The following JAKMIP1 variants were observed in gnomAD, a reference collection of about 807,000 sequenced individuals.
The protein encoded by JAKMIP1 is janus kinase and microtubule interacting protein 1, also known as janus kinase and microtubule-interacting protein 1.
A neutral mutation model predicts 113.0 loss-of-function variants in JAKMIP1; 33 were observed. The ratio of observed to expected loss-of-function variants is 0.29; its 90% CI spans 0.22 to 0.39. JAKMIP1 has a LOEUF of 0.39. Ranked by LOEUF, JAKMIP1 falls within the 10% of genes least tolerant of loss-of-function variation. The pLI, the probability that JAKMIP1 is intolerant of heterozygous loss-of-function variation, is 1.00. For missense variants in JAKMIP1, 813 were observed against 1,080.5 expected (o/e 0.75, Z 3.47); for synonymous variants, 480 against 459.9 (o/e 1.04, Z -0.56).
intron 1 of JAKMIP1, among the ~76,000 whole-genome samples, chr4:6,130,299 T>C (rs1015468170): frequency 6.6e-6 from 1 of 152,238 alleles, no homozygotes; most frequent in Non-Finnish European, 1.5e-5. Flanking sequence ...CCCGTCTAAA[T>C]AAGGCAAGTT....
At chr4:6,096,273 T>C (rs1711752096) in intron 3 of JAKMIP1, among the ~76,000 whole-genome samples, 1 of 152,266 alleles carries the variant, frequency 6.6e-6, no homozygotes, top group Non-Finnish European at 1.5e-5. Flanking sequence ...TCATGACCGG[T>C]GAGGTTAAAC....
chr4:6,134,601 T>C (rs1345691700), intron 1 of JAKMIP1, among the ~76,000 whole-genome samples: 2 of 152,210 alleles, frequency 1.3e-5, no homozygotes, highest in Non-Finnish European at 2.9e-5. Context: ...ACAGCTCTGA[T>C]CACGCTGTGC....
rs60868262 is a variant in JAKMIP1 at position 6,071,063 on chromosome 4, A to G, written c.1303-6055T>C. Among the ~76,000 whole-genome samples the G allele has an allele frequency of 1.6e-4, 24 of 152,388 alleles. No individual in the cohort carries two copies. In the East Asian group the frequency reaches 2.9e-3, roughly 18 times the overall value. Reference sequence around the variant, plus strand: ...GGGCAATGGATAATTCATAAAAGAAATGTACATAGCAAAGTTCATGTATGT... The same window carrying G: ...GGGCAATGGATAATTCATAAAAGAAGTGTACATAGCAAAGTTCATGTATGT... On this transcript the variant is annotated intron_variant, in intron 8 of 20. Transcript: ENST00000409021.
In JAKMIP1 at chr4:6,199,838, C is replaced by T. The variant is rs972085490; in HGVS notation, c.-148+415G>A. On this transcript the variant is annotated intron_variant, in intron 1 of 20. Transcript: ENST00000409021. The surrounding 1 kb of genome is among the most constrained non-coding windows in gnomAD (Gnocchi z 5.6). ...AGACACGGAGGGGACGGGCCGGCCA[C>T]ACCCCCCGCGCCACTCCGGCAGGCA... 6.6e-6 allele frequency among the ~76,000 whole-genome samples: 1 copy of T among 151,642 alleles called. No homozygotes were observed. Among genetic ancestry groups the T allele is most frequent in the African/African-American group, 2.4e-5 (1 of 41,318 alleles).
chr4:6,044,456 A>G lies in JAKMIP1; in HGVS notation c.2029-2229T>C, dbSNP rs909342049. Among the ~76,000 whole-genome samples, 1 of 143,850 alleles carries G rather than the reference A, an allele frequency of 7.0e-6. No homozygotes were observed. Among genetic ancestry groups the G allele is most frequent in the Non-Finnish European group, 1.6e-5 (1 of 63,806 alleles). 94.4% of individuals were successfully genotyped at this position (143,850 alleles called of 152,430 possible). On this transcript the variant is annotated intron_variant, in intron 16 of 20. Coordinates refer to ENST00000409021, the MANE Select transcript of JAKMIP1 (RefSeq NM_001099433.2). The surrounding 1 kb of genome is among the most constrained non-coding windows in gnomAD (Gnocchi z 4.4). Reference sequence around the variant, plus strand: ...CGGCCCCCAGTACGGGCTCTGTGCCAGCCACGGTGGCAGCACCCAGCACCC... The same window carrying G: ...CGGCCCCCAGTACGGGCTCTGTGCCGGCCACGGTGGCAGCACCCAGCACCC...
intron 17 of JAKMIP1, among the ~76,000 whole-genome samples, chr4:6,041,387 C>T (rs564811509): frequency 1.7e-4 from 26 of 152,318 alleles, no homozygotes; most frequent in Non-Finnish European, 3.1e-4. Context: ...CTTCTGGCAT[C>T]AGTCAGGGCT....
At position 6,137,748 on chromosome 4, in the gene JAKMIP1, A is replaced by G. The variant is rs888207449; in HGVS notation, c.-147-24751T>C. Among the ~76,000 whole-genome samples the G allele has an allele frequency of 6.6e-6, 1 of 152,226 alleles. No individual in the cohort carries two copies. Among genetic ancestry groups the G allele is most frequent in the Admixed American group, 6.5e-5 (1 of 15,284 alleles). ...TTAGGTTCCATCATTCATTCAATTC[A>G]TCAGTCCTTCAATCACACAGGCCTG... On this transcript the variant is annotated intron_variant, in intron 1 of 20. Coordinates refer to ENST00000409021, the MANE Select transcript of JAKMIP1 (RefSeq NM_001099433.2). This position sits in a 1 kb window ranked among gnomAD's most constrained non-coding sequence, Gnocchi z 4.5.
At chr4:6,177,930 G>A (rs1446213437) in intron 1 of JAKMIP1, among the ~76,000 whole-genome samples, 3 of 152,158 alleles carry the variant, frequency 2.0e-5, no homozygotes, top group African/African-American at 7.2e-5. Flanking sequence ...TTGCACAGAA[G>A]AGGTGAGATT....
rs375364569 is a variant in JAKMIP1, at chr4:6,039,228, G to C, written c.2175+1411C>G. ...TTCCTGAGTTGGTGCTTAGACAAAG[G>C]AAGGGTGGACCCCAAGGTGTTCCGA... is the stretch of plus-strand genomic sequence containing the variant. On this transcript the variant is annotated intron_variant, in intron 18 of 20. Coordinates refer to ENST00000409021, the MANE Select transcript of JAKMIP1 (RefSeq NM_001099433.2). Among the ~76,000 whole-genome samples, 7 of 152,288 alleles carry C rather than the reference G, an allele frequency of 4.6e-5. No individual in the cohort carries two copies. The East Asian group carries it at 1.2e-3, about 25-fold the overall frequency.
intron 13 of JAKMIP1, among the ~76,000 whole-genome samples, chr4:6,052,215 TAAAATA>T (rs1371580227): frequency 1.6e-5 from 2 of 125,860 alleles, no homozygotes; most frequent in African/African-American, 1.0e-4. Flanking sequence ...TTTAAAAAAA[TAAAATA>T]AAAAAAAAAC....
intron 2 of JAKMIP1, among the ~76,000 whole-genome samples, chr4:6,109,919 G>C (rs980821369): frequency 2.0e-5 from 3 of 152,166 alleles, no homozygotes; most frequent in African/African-American, 7.2e-5. Flanking sequence ...GATGGGTAAA[G>C]TCAACCTGAA....
At chr4:6,117,870 C>T (rs1403424936) in intron 1 of JAKMIP1, among the ~76,000 whole-genome samples, 5 of 152,250 alleles carry the variant, frequency 3.3e-5, no homozygotes, top group Non-Finnish European at 5.9e-5. Flanking sequence ...GGCTCACCAG[C>T]GGTCAGAGTT....
intron 3 of JAKMIP1, among the ~76,000 whole-genome samples, chr4:6,090,538 T>A: frequency 1.3e-5 from 2 of 152,140 alleles, no homozygotes; most frequent in East Asian, 3.8e-4. Flanking sequence ...CACACCAGGG[T>A]TTCTCAGAAG....
intron 19 of JAKMIP1, among the ~76,000 whole-genome samples, chr4:6,030,229 C>A (rs561984159): frequency 8.2e-4 from 124 of 151,958 alleles, no homozygotes; most frequent in Middle Eastern, 3.4e-3. Flanking sequence ...TGTTTAACTG[C>A]AGCCTGGGGG....
intron 1 of JAKMIP1, among the ~76,000 whole-genome samples, chr4:6,172,512 G>C (rs758339325): frequency 7.3e-5 from 11 of 151,722 alleles, no homozygotes; most frequent in Non-Finnish European, 1.6e-4. Context: ...TGACCCCTGG[G>C]GAGGAGAGAG....
chr4:6,176,483 A>G lies in JAKMIP1; in HGVS notation c.-148+23770T>C, dbSNP rs547729444. On this transcript the variant is annotated intron_variant, in intron 1 of 20. Coordinates refer to ENST00000409021, the MANE Select transcript of JAKMIP1 (RefSeq NM_001099433.2). This position sits in a 1 kb window ranked among gnomAD's most constrained non-coding sequence, Gnocchi z 5.5. ...ATTGTACATTTTAATCTATTTACCA[A>G]GCTCCTCAGTACTCCTACCACAGGA... Among the ~76,000 whole-genome samples the G allele has an allele frequency of 8.5e-5, 13 of 152,292 alleles. No homozygotes were observed. Among genetic ancestry groups the G allele is most frequent in the South Asian group, 2.1e-4 (1 of 4,828 alleles).
intron 1 of JAKMIP1, among the ~76,000 whole-genome samples, chr4:6,124,417 C>A (rs11722856): frequency 0.016 from 2,476 of 152,274 alleles, 32 homozygotes; most frequent in South Asian, 0.029. Context: ...CACAAATGGG[C>A]CTCAGGCTTC....
rs531979312 is a variant in JAKMIP1, at chr4:6,157,677, T to C, written c.-148+42576A>G. On this transcript the variant is annotated intron_variant, in intron 1 of 20. Coordinates refer to ENST00000409021, the MANE Select transcript of JAKMIP1 (RefSeq NM_001099433.2). This position sits in a 1 kb window ranked among gnomAD's most constrained non-coding sequence, Gnocchi z 4.7. ...AGCCCTGGACATGCTACCTAACCCC[T>C]GCTTTCTCCTGTTTAAACTGGTGCC... 1.2e-3 allele frequency among the ~76,000 whole-genome samples: 185 copies of C among 152,278 alleles called. No individual in the cohort carries two copies. The highest frequency in any genetic ancestry group is 2.1e-3 in the South Asian group (10 of 4,822).
intron 10 of JAKMIP1, among the ~76,000 whole-genome samples, chr4:6,062,107 C>T (rs115445493): frequency 1.1e-3 from 164 of 152,366 alleles, no homozygotes; most frequent in African/African-American, 3.6e-3. Flanking sequence ...TCTAACAGCT[C>T]AATGTTCCAG....
Sources: gnomAD v4.1 joint callset for allele counts (sites outside exome capture counted in the v4.1 genomes callset) on GRCh38, gnomAD v4.1.1 for gene constraint, Gnocchi (gnomAD v3.1) non-coding constraint, MANE v1.5 for transcripts, NCBI Gene and HGNC (gene_info 2026-07-23, HGNC 2026-07-21) for gene names.